Variants in ZSCAN25 observed in about 807,000 individuals in gnomAD.
ZSCAN25 encodes the protein zinc finger and SCAN domain-containing protein 25.
In ZSCAN25, 27 loss-of-function variants were observed where a neutral mutation model predicts 38.7. The ratio of observed to expected loss-of-function variants is 0.70; its 90% CI spans 0.51 to 0.96. The LOEUF is 0.96. ZSCAN25 is among the 40% of genes least tolerant of loss of function. ZSCAN25 has a pLI of 0.00. For missense variants in ZSCAN25, 637 were observed against 705.9 expected (o/e 0.90, Z 1.11); for synonymous variants, 273 against 277.7 (o/e 0.98, Z 0.17).
chr7:99,696,857 G>C, the ZSCAN25 span, among the ~76,000 whole-genome samples: 1 of 152,112 alleles, frequency 6.6e-6, no homozygotes, highest in South Asian at 2.1e-4. Flanking sequence ...GTGTTTCCTC[G>C]TGACAATGAG....
At chr7:99,645,210 C>T in the ZSCAN25 span, among the ~76,000 whole-genome samples, 2,626 of 152,270 alleles carry the variant, frequency 0.017, 31 homozygotes, top group Non-Finnish European at 0.026. Flanking sequence ...AGGATAGTCT[C>T]GATCTCCTGA....
chr7:99,718,944 C>T, the ZSCAN25 span, among the ~76,000 whole-genome samples: 1 of 152,138 alleles, frequency 6.6e-6, no homozygotes, highest in Admixed American at 6.5e-5. Context: ...GTAAATCCAA[C>T]AAAACATGCA....
At chr7:99,716,042 TCTCCCATCACA>T in the ZSCAN25 span, 1 of 1,544,462 alleles carries the variant, frequency 6.5e-7, no homozygotes, top group Non-Finnish European at 8.8e-7. Flanking sequence ...TACTGGAGCA[TCTCCCATCACA>T]CTCCCTCAGA....
the ZSCAN25 span, among the ~76,000 whole-genome samples, chr7:99,638,065 G>C: frequency 6.6e-6 from 1 of 152,068 alleles, no homozygotes; most frequent in African/African-American, 2.4e-5. Context: ...AGCCGAAAAA[G>C]GAAAAAGAAC....
At chr7:99,648,129 A>C in the ZSCAN25 span, 1 of 1,320,798 alleles carries the variant, frequency 7.6e-7, no homozygotes, top group Non-Finnish European at 9.7e-7. Flanking sequence ...TACATAATGC[A>C]CAACACTCTA....
chr7:99,622,317 A>G (rs1386917409), intron 5 of ZSCAN25: 1 of 566,044 alleles, frequency 1.8e-6, no homozygotes, highest in Non-Finnish European at 3.1e-6. Context: ...CAGGGCCGGG[A>G]CAATCTTGCC....
At chr7:99,708,911 A>G in the ZSCAN25 span, 1 of 1,177,512 alleles carries the variant, frequency 8.5e-7, no homozygotes, top group Non-Finnish European at 1.2e-6. Flanking sequence ...CATGATTTGA[A>G]AAAACCTTTT....
the ZSCAN25 span, chr7:99,717,110 A>G: frequency 1.2e-6 from 2 of 1,601,862 alleles, no homozygotes; most frequent in African/African-American, 2.7e-5. Context: ...CGGGAGTATC[A>G]GCTCCATAGC....
At position 99,621,593 on chromosome 7, in the gene ZSCAN25, G is replaced by A; in HGVS notation, c.589+19G>A. On this transcript the variant is annotated intron_variant, in intron 5 of 7. Transcript: ENST00000394152. ...GAGCAAGGTGAGTAAGACGCAGATAGTGGGGATGTCAGGTCATAGGAAACA... is the reference window on the plus strand; with the variant it reads ...GAGCAAGGTGAGTAAGACGCAGATAATGGGGATGTCAGGTCATAGGAAACA... The A allele has an allele frequency of 1.4e-6, 2 of 1,379,808 alleles. No homozygotes were observed. Among genetic ancestry groups the A allele is most frequent in the South Asian group, 1.8e-5 (1 of 54,720 alleles). 85.5% of individuals were successfully genotyped at this position (1,379,808 alleles called of 1,614,324 possible).
chr7:99,665,718 C>T, the ZSCAN25 span, among the ~76,000 whole-genome samples: 2 of 152,228 alleles, frequency 1.3e-5, no homozygotes, highest in African/African-American at 4.8e-5. Flanking sequence ...CGTTGTCTGA[C>T]TACAGACTCT....
chr7:99,729,535 G>A, the ZSCAN25 span, among the ~76,000 whole-genome samples: 115,915 of 152,124 alleles, frequency 0.76, 47,130 homozygotes, highest in Non-Finnish European at 0.91. Flanking sequence ...AAGCCTGCAC[G>A]TGTACATCCA....
At chr7:99,663,265 A>G in the ZSCAN25 span, 3 of 1,012,390 alleles carry the variant, frequency 3.0e-6, no homozygotes, top group Non-Finnish European at 3.5e-6. Flanking sequence ...GTGTCCGTAT[A>G]GATTAATCTC....
the ZSCAN25 span, among the ~76,000 whole-genome samples, chr7:99,681,554 T>C: frequency 7.9e-5 from 12 of 152,246 alleles, no homozygotes; most frequent in Admixed American, 7.8e-4. Flanking sequence ...ATTTCTCTAA[T>C]GACCAGTGAT....
At chr7:99,697,426 T>C in the ZSCAN25 span, among the ~76,000 whole-genome samples, 11 of 152,130 alleles carry the variant, frequency 7.2e-5, no homozygotes, top group African/African-American at 2.2e-4. Context: ...ACAAGGTTGG[T>C]CCCAGAGAGG....
chr7:99,694,878 C>T, the ZSCAN25 span, among the ~76,000 whole-genome samples: 2 of 152,096 alleles, frequency 1.3e-5, no homozygotes, highest in South Asian at 4.1e-4. Context: ...CCAAAGTTCA[C>T]AGTCCATGTG....
At chr7:99,732,680 A>G in the ZSCAN25 span, among the ~76,000 whole-genome samples, 1 of 152,188 alleles carries the variant, frequency 6.6e-6, no homozygotes, top group Non-Finnish European at 1.5e-5. Flanking sequence ...TGGAAGAGGT[A>G]GCCAGCCATC....
intron 7 of ZSCAN25, among the ~76,000 whole-genome samples, chr7:99,625,944 C>G (rs1164029829): frequency 6.6e-6 from 1 of 152,168 alleles, no homozygotes; most frequent in Non-Finnish European, 1.5e-5. Flanking sequence ...GATTCACACT[C>G]GGGTTGTCCT....
chr7:99,622,597 G>C lies in ZSCAN25; in HGVS notation c.638G>C (p.Arg213Thr). 1 of 1,614,162 alleles carries C rather than the reference G, an allele frequency of 6.2e-7. No individual in the cohort carries two copies. Among genetic ancestry groups the C allele is most frequent in the Non-Finnish European group, 8.5e-7 (1 of 1,180,040 alleles). Residue 213 changes from arginine to threonine, a missense_variant, in exon 6 of 8, where the codon AGA becomes ACA. Arg to Thr is a moderately conservative substitution (Grantham distance 71, BLOSUM62 -1). Transcript: ENST00000394152. The stretch of plus-strand genomic sequence containing the variant: ...CCTGGCCTCCCCGCAGTGAATCCCA[G>C]AGACCAAGAGATGGCAGCTGGGTTC... ...AGPGLPAVNP[R>T]DQEMAAGFFT...
chr7:99,690,828 C>G, the ZSCAN25 span, among the ~76,000 whole-genome samples: 1 of 152,164 alleles, frequency 6.6e-6, no homozygotes, highest in Non-Finnish European at 1.5e-5. Context: ...AATAGGAACA[C>G]TTTTACACTG....
Sources: gnomAD v4.1 joint callset for allele counts (sites outside exome capture counted in the v4.1 genomes callset) on GRCh38, gnomAD v4.1.1 for gene constraint, MANE v1.5 for transcripts, NCBI Gene and HGNC (gene_info 2026-07-23, HGNC 2026-07-21) for gene names.